Variants in GNL1 observed in about 807,000 individuals in gnomAD.
GNL1 encodes the protein G protein nucleolar 1.
GNL1 carries 21 observed loss-of-function variants against 75.2 expected under a neutral mutation model. The ratio of observed to expected loss-of-function variants is 0.28; its 90% CI spans 0.20 to 0.40. The LOEUF (loss-of-function observed/expected upper bound fraction) is 0.40. Among genes scored for constraint, GNL1 ranks in the 10% least tolerant of loss-of-function variants. The probability of loss-of-function intolerance (pLI) is 1.00; values close to 1 mark genes in which losing one functional copy is unlikely to be tolerated. For synonymous variants in GNL1, 287 were observed against 303.4 expected (o/e 0.95, Z 0.56); for missense variants, 579 against 775.0 (o/e 0.75, Z 3.00).
In GNL1 at chr6:30,546,251, C is replaced by T. The variant is rs776952387; in HGVS notation, c.1645G>A (p.Ala549Thr). The T allele has an allele frequency of 4.2e-5, 67 of 1,588,212 alleles. No individual in the cohort carries two copies. Among genetic ancestry groups the T allele is most frequent in the Non-Finnish European group, 5.7e-5 (66 of 1,165,650 alleles). ...LVVLQGRVGP[A>T]GDEEEEEEEE... ...TCTTCCTCCTCCTCCTCGTCACCTG[C>T]TGGCCCCACCCTGCCCTGCAAAACC... The change falls in exon 12 of 12, where the codon GCA becomes ACA. Residue 549 changes from alanine to threonine, a missense_variant. Transcript: ENST00000376621. The surrounding 1 kb of genome is among the most constrained non-coding windows in gnomAD (Gnocchi z 5.1).
Position 30,546,019 on chromosome 6 carries a change from G to T in GNL1, c.*53C>A. 7.6e-7 allele frequency: 1 copy of T among 1,318,404 alleles called. No homozygotes were observed. The highest frequency in any genetic ancestry group is 1.1e-6 in the Non-Finnish European group (1 of 928,538). The allele number at this position is 1,318,404 out of a possible 1,614,324, so 81.7% of individuals were successfully genotyped here. ...GGGTGGCAGAGGGGAGATACCCCCAGGTCAGTCCAAAAGCAAAGATACTGG... is the reference window on the plus strand; with the variant it reads ...GGGTGGCAGAGGGGAGATACCCCCATGTCAGTCCAAAAGCAAAGATACTGG... On this transcript the variant is annotated 3_prime_UTR_variant, in exon 12 of 12. Transcript: ENST00000376621. This position sits in a 1 kb window ranked among gnomAD's most constrained non-coding sequence, Gnocchi z 5.1.
At chr6:30,550,388 A>G (rs1045339845) in intron 8 of GNL1, among the ~76,000 whole-genome samples, 2 of 151,980 alleles carry the variant, frequency 1.3e-5, no homozygotes, top group Non-Finnish European at 2.9e-5. Context: ...AAAAACCTGG[A>G]AGTCCTTCTT....
chr6:30,555,508 T>TC lies in GNL1; in HGVS notation c.239+46dup. The stretch of plus-strand genomic sequence containing the variant: ...CCCGCTTTCCCCCAAAGCTCTGACT[T>TC]CCGGGTAGGCGGGAAAGCCGGGACC... On this transcript the variant is annotated intron_variant, in intron 2 of 11. Transcript: ENST00000376621. This position sits in a 1 kb window ranked among gnomAD's most constrained non-coding sequence, Gnocchi z 4.3. 1 of 1,569,460 alleles carries TC rather than the reference T, an allele frequency of 6.4e-7. No homozygotes were observed.
In GNL1 at chr6:30,546,055, G is replaced by T. The variant is rs771050386; in HGVS notation, c.*17C>A. On this transcript the variant is annotated 3_prime_UTR_variant, in exon 12 of 12. Coordinates refer to ENST00000376621, the MANE Select transcript of GNL1 (RefSeq NM_005275.5). The surrounding 1 kb of genome is among the most constrained non-coding windows in gnomAD (Gnocchi z 5.1). Reference sequence around the variant, plus strand: ...AAGCAAAGATACTGGGAGGGAAGATGGCGCTGGGCGAGGAACTCAGCACTC... The same window carrying T: ...AAGCAAAGATACTGGGAGGGAAGATTGCGCTGGGCGAGGAACTCAGCACTC... 1.3e-5 allele frequency: 21 copies of T among 1,578,214 alleles called. No homozygotes were observed. The East Asian group carries it at 4.3e-4, about 33-fold the overall frequency.
In GNL1 at chr6:30,556,222, G is replaced by T. The variant is rs763961276; in HGVS notation, c.-19C>A. On this transcript the variant is annotated 5_prime_UTR_variant, in exon 1 of 12. Coordinates refer to ENST00000376621, the MANE Select transcript of GNL1 (RefSeq NM_005275.5). The surrounding 1 kb of genome is among the most constrained non-coding windows in gnomAD (Gnocchi z 5.7). ...TCGGCATGGCCCGGACCAGTCACCT[G>T]GCCCGCCCTCCGCCGAGCTCCCGCC... 3.1e-6 allele frequency: 5 copies of T among 1,601,680 alleles called. No individual in the cohort carries two copies. The highest frequency in any genetic ancestry group is 3.4e-6 in the Non-Finnish European group (4 of 1,179,684).
In GNL1 at chr6:30,555,136, C is replaced by T; in HGVS notation, c.295G>A (p.Ala99Thr). 6.2e-7 allele frequency: 1 copy of T among 1,613,028 alleles called. No homozygotes were observed. Among genetic ancestry groups the T allele is most frequent in the Non-Finnish European group, 8.5e-7 (1 of 1,180,024 alleles). Residue 99 changes from alanine (A) to threonine (T), a missense_variant, in exon 3 of 12, where the codon GCA becomes ACA. Ala to Thr is a moderately conservative substitution (Grantham distance 58). Transcript: ENST00000376621. The surrounding 1 kb of genome is among the most constrained non-coding windows in gnomAD (Gnocchi z 4.3). ...SREEVERRKR[A>T]AREQVLQPVS... Reference sequence around the variant, plus strand: ...GGCTGTAGAACTTGCTCCCGGGCTGCTCTCTTTCTCCTCTCTACCTCCTCC... The same window carrying T: ...GGCTGTAGAACTTGCTCCCGGGCTGTTCTCTTTCTCCTCTCTACCTCCTCC...
rs1800190063 is a variant in GNL1 at position 30,556,318 on chromosome 6, C to T, written c.-115G>A. ...GGGACCCTAGAGGAGGCGGGGCTAG[C>T]AGGTGACGTCAGCGGGCGGGCCCGA... On this transcript the variant is annotated 5_prime_UTR_variant, in exon 1 of 12. Coordinates refer to ENST00000376621, the MANE Select transcript of GNL1 (RefSeq NM_005275.5). The surrounding 1 kb of genome is among the most constrained non-coding windows in gnomAD (Gnocchi z 5.7). The T allele has an allele frequency of 8.4e-7, 1 of 1,193,134 alleles. No individual in the cohort carries two copies. The highest frequency in any genetic ancestry group is 1.2e-6 in the Non-Finnish European group (1 of 834,250). 73.9% of individuals were successfully genotyped at this position (1,193,134 alleles called of 1,614,324 possible).
At position 30,542,047 on chromosome 6, in the gene GNL1, C is replaced by T. The variant is rs1048804056; in HGVS notation, c.*4025G>A. 6.6e-6 allele frequency: 1 copy of T among 152,304 alleles called. No homozygotes were observed. The highest frequency in any genetic ancestry group is 1.5e-5 in the Non-Finnish European group (1 of 68,054). The allele number at this position is 152,304 out of a possible 1,614,324, so 9.4% of individuals were successfully genotyped here. ...TAAAAAAGTTCCTCAACTGCATATACTCTGCTCCCTCCATTTTTTTCTTTC... is the reference window on the plus strand; with the variant it reads ...TAAAAAAGTTCCTCAACTGCATATATTCTGCTCCCTCCATTTTTTTCTTTC... On this transcript the variant is annotated 3_prime_UTR_variant, in exon 12 of 12. Coordinates refer to ENST00000376621, the MANE Select transcript of GNL1 (RefSeq NM_005275.5). This position sits in a 1 kb window ranked among gnomAD's most constrained non-coding sequence, Gnocchi z 4.5.
rs764476624 is a variant in GNL1 at position 30,555,096 on chromosome 6, A to C, written c.335T>G (p.Leu112Trp). The part of the protein sequence containing the change: ...EQVLQPVSAE[L>W]LELDIREVYQ... ...CACCTCCCGGATGTCCAGCTCCAAC[A>C]ACTCAGCACTGACCGGCTGTAGAAC... The change falls in exon 3 of 12, where the codon TTG becomes TGG. Residue 112 changes from leucine to tryptophan, a missense_variant. Transcript: ENST00000376621. This position sits in a 1 kb window ranked among gnomAD's most constrained non-coding sequence, Gnocchi z 4.3. 5.6e-6 allele frequency: 9 copies of C among 1,612,750 alleles called. No individual in the cohort carries two copies. The highest frequency in any genetic ancestry group is 7.6e-6 in the Non-Finnish European group (9 of 1,179,988).
At chr6:30,551,534 A>G in intron 8 of GNL1, among the ~76,000 whole-genome samples, 1 of 152,024 alleles carries the variant, frequency 6.6e-6, no homozygotes, top group Non-Finnish European at 1.5e-5. Flanking sequence ...CTAAATGAAG[A>G]CGGGCCCTGG....
In GNL1 at chr6:30,546,063, G is replaced by A. The variant is rs541460028; in HGVS notation, c.*9C>T. 8.2e-6 allele frequency: 13 copies of A among 1,587,976 alleles called. No individual in the cohort carries two copies. In the South Asian group the frequency reaches 1.0e-4, roughly 13 times the overall value. On this transcript the variant is annotated 3_prime_UTR_variant, in exon 12 of 12. Transcript: ENST00000376621. The surrounding 1 kb of genome is among the most constrained non-coding windows in gnomAD (Gnocchi z 5.1). ...ATACTGGGAGGGAAGATGGCGCTGG[G>A]CGAGGAACTCAGCACTCATCCTCAC...
rs1043071860 is a variant in GNL1, at chr6:30,555,952, A to G, written c.73+179T>C. Reference sequence around the variant, plus strand: ...AGGGATTCCCCTCCCCCAACTCTCCATCCTTCCCCACCCCTTCCAGATGTA... The same window carrying G: ...AGGGATTCCCCTCCCCCAACTCTCCGTCCTTCCCCACCCCTTCCAGATGTA... On this transcript the variant is annotated intron_variant, in intron 1 of 11. Transcript: ENST00000376621. The surrounding 1 kb of genome is among the most constrained non-coding windows in gnomAD (Gnocchi z 4.3). 12 of 858,636 alleles carry G rather than the reference A, an allele frequency of 1.4e-5. No individual in the cohort carries two copies. The African/African-American group carries it at 1.7e-4, about 12-fold the overall frequency. The allele number at this position is 858,636 out of a possible 1,614,324, so 53.2% of individuals were successfully genotyped here. A position where few individuals can be genotyped will look rare whatever the true frequency, so the allele number is the denominator to read the frequency against.
chr6:30,543,387 T>C lies in GNL1; in HGVS notation c.*2685A>G, dbSNP rs1415233391. On this transcript the variant is annotated 3_prime_UTR_variant, in exon 12 of 12. Coordinates refer to ENST00000376621, the MANE Select transcript of GNL1 (RefSeq NM_005275.5). ...ATTGTGTTTCCATTCTCCAATAAAT[T>C]GTGAGCGCCACAAAGAACCATTTCT... 6.6e-6 allele frequency: 1 copy of C among 152,182 alleles called. No homozygotes were observed. Among genetic ancestry groups the C allele is most frequent in the African/African-American group, 2.4e-5 (1 of 41,408 alleles). The allele number at this position is 152,182 out of a possible 1,614,324, so 9.4% of individuals were successfully genotyped here. A position where few individuals can be genotyped will look rare whatever the true frequency, so the allele number is the denominator to read the frequency against.
Position 30,546,571 on chromosome 6 carries a change from A to G in GNL1, c.1582+125T>C. 2.5e-6 allele frequency: 2 copies of G among 798,594 alleles called. No homozygotes were observed. The highest frequency in any genetic ancestry group is 2.1e-6 in the Non-Finnish European group (1 of 483,864). The allele number at this position is 798,594 out of a possible 1,614,324, so 49.5% of individuals were successfully genotyped here. On this transcript the variant is annotated intron_variant, in intron 11 of 11. Transcript: ENST00000376621. This position sits in a 1 kb window ranked among gnomAD's most constrained non-coding sequence, Gnocchi z 5.1. ...TTTGCAGATCAGGAAAATATCACAGATGTTAAGTAACAGAGCTAGCCAACA... is the reference window on the plus strand; with the variant it reads ...TTTGCAGATCAGGAAAATATCACAGGTGTTAAGTAACAGAGCTAGCCAACA...
In GNL1 at chr6:30,545,691, G is replaced by T. The variant is rs541554425; in HGVS notation, c.*381C>A. 2.8e-5 allele frequency: 7 copies of T among 246,976 alleles called. No homozygotes were observed. The South Asian group carries it at 3.1e-4, about 11-fold the overall frequency. 15.3% of individuals were successfully genotyped at this position (246,976 alleles called of 1,614,324 possible). ...CAGGTCTGGCGGCAGGGGGCACACA[G>T]GGCTGCTGCTCAAATCGGAGAATGG... On this transcript the variant is annotated 3_prime_UTR_variant, in exon 12 of 12. Transcript: ENST00000376621.
At position 30,555,465 on chromosome 6, in the gene GNL1, CG is replaced by C. The variant is rs1172124176; in HGVS notation, c.239+89del. On this transcript the variant is annotated intron_variant, in intron 2 of 11. Coordinates refer to ENST00000376621, the MANE Select transcript of GNL1 (RefSeq NM_005275.5). The surrounding 1 kb of genome is among the most constrained non-coding windows in gnomAD (Gnocchi z 4.3). ...GAGAACTGTGGCATCCCAGGCCCAC[CG>C]TCTTCACCAGTAGCAGCCCGCTTTC... 182 of 1,308,140 alleles carry C rather than the reference CG, an allele frequency of 1.4e-4. No homozygotes were observed. The highest frequency in any genetic ancestry group is 1.8e-4 in the Non-Finnish European group (173 of 937,388). 81.0% of individuals were successfully genotyped at this position (1,308,140 alleles called of 1,614,324 possible).
rs767792605 is a variant in GNL1, at chr6:30,546,874, A to C, written c.1442-38T>G. 46 of 1,546,470 alleles carry C rather than the reference A, an allele frequency of 3.0e-5. No homozygotes were observed. The Admixed American group carries it at 8.2e-4, about 28-fold the overall frequency. On this transcript the variant is annotated intron_variant, in intron 10 of 11. Coordinates refer to ENST00000376621, the MANE Select transcript of GNL1 (RefSeq NM_005275.5). This position sits in a 1 kb window ranked among gnomAD's most constrained non-coding sequence, Gnocchi z 5.1. ...AAGAATAATGGAAAGGGAAAGCATTAACCAGGTACCAGTTATACTCCCACT... is the reference window on the plus strand; with the variant it reads ...AAGAATAATGGAAAGGGAAAGCATTCACCAGGTACCAGTTATACTCCCACT...
chr6:30,548,254 A>C lies in GNL1; in HGVS notation c.1100-724T>G, dbSNP rs1264932252. On this transcript the variant is annotated intron_variant, in intron 8 of 11. Transcript: ENST00000376621. The surrounding 1 kb of genome is among the most constrained non-coding windows in gnomAD (Gnocchi z 4.2). ...CTTGGGGCTCACTGCCACTCTGCTC[A>C]CTCACCACCACCAGTTTTTGTGTTT... is the stretch of plus-strand genomic sequence containing the variant. Among the ~76,000 whole-genome samples, 1 of 151,948 alleles carries C rather than the reference A, an allele frequency of 6.6e-6. No individual in the cohort carries two copies. Among genetic ancestry groups the C allele is most frequent in the Admixed American group, 6.6e-5 (1 of 15,248 alleles).
At position 30,552,394 on chromosome 6, in the gene GNL1, C is replaced by T; in HGVS notation, c.1099+73G>A. 1 of 1,306,782 alleles carries T rather than the reference C, an allele frequency of 7.7e-7. No homozygotes were observed. 80.9% of individuals were successfully genotyped at this position (1,306,782 alleles called of 1,614,324 possible). A position where few individuals can be genotyped will look rare whatever the true frequency, so the allele number is the denominator to read the frequency against. ...CTGGGGCCTAATGAGACCTGATCGC[C>T]CTCTCTCTTCTCCGAATATGAAAAC... is the stretch of plus-strand genomic sequence containing the variant. On this transcript the variant is annotated intron_variant, in intron 8 of 11. Coordinates refer to ENST00000376621, the MANE Select transcript of GNL1 (RefSeq NM_005275.5). This position sits in a 1 kb window ranked among gnomAD's most constrained non-coding sequence, Gnocchi z 4.5.
Sources: allele counts gnomAD v4.1 joint callset (sites outside exome capture counted in the v4.1 genomes callset), GRCh38; gene constraint gnomAD v4.1.1; non-coding constraint Gnocchi (gnomAD v3.1); transcripts MANE v1.5; gene names NCBI Gene and HGNC (gene_info 2026-07-23, HGNC 2026-07-21).